COL25A1: variants seen among roughly 807,000 people sequenced by gnomAD.
COL25A1 encodes collagen alpha-1(XXV) chain.
COL25A1 carries 103 observed loss-of-function variants against 128.4 expected under a neutral mutation model. The ratio of observed to expected loss-of-function variants is 0.80; its 90% CI spans 0.68 to 0.94. COL25A1 has a LOEUF of 0.94. COL25A1 is among the 40% of genes least tolerant of loss of function. The probability of loss-of-function intolerance (pLI) is 0.00; values close to 1 mark genes in which losing one functional copy is unlikely to be tolerated. For synonymous variants in COL25A1, 279 were observed against 277.2 expected (o/e 1.01, Z -0.06); for missense variants, 745 against 840.0 (o/e 0.89, Z 1.40).
At chr4:108,922,997 T>C (rs894343647) in intron 11 of COL25A1, among the ~76,000 whole-genome samples, 6 of 152,124 alleles carry the variant, frequency 3.9e-5, no homozygotes, top group Middle Eastern at 3.2e-3. Context: ...GAATAAAATA[T>C]AGGACACTTA....
intron 35 of COL25A1, chr4:108,819,881 T>G: frequency 8.1e-7 from 1 of 1,230,346 alleles, no homozygotes; most frequent in Non-Finnish European, 1.0e-6. Flanking sequence ...CCTTTTTGCC[T>G]TTCTTTCCCT....
At chr4:109,207,235 C>T (rs1578438376) in intron 3 of COL25A1, among the ~76,000 whole-genome samples, 1 of 152,104 alleles carries the variant, frequency 6.6e-6, no homozygotes, top group African/African-American at 2.4e-5. Context: ...AAGGAGTGTG[C>T]CAGCTGCCTC....
At chr4:109,018,369 C>A (rs950804111) in intron 5 of COL25A1, among the ~76,000 whole-genome samples, 17 of 152,166 alleles carry the variant, frequency 1.1e-4, no homozygotes, top group African/African-American at 4.1e-4. Context: ...GGATTACAGG[C>A]ACGCTCCACC....
chr4:108,835,861 C>CTTTTTTTTTTTTTTTTTTTTTT (rs1158184110), intron 31 of COL25A1, among the ~76,000 whole-genome samples: 58 of 45,720 alleles, frequency 1.3e-3, no homozygotes, highest in Admixed American at 3.2e-3. Context: ...TTACATACGT[C>CTTTTTTTTTTTTTTTTTTTTTT]TTTTTTTTTT....
At chr4:109,020,752 T>C (rs1018933155) in intron 5 of COL25A1, among the ~76,000 whole-genome samples, 9 of 152,358 alleles carry the variant, frequency 5.9e-5, no homozygotes, top group Non-Finnish European at 1.2e-4. Flanking sequence ...CATGCATTTT[T>C]GCTATAAAAA....
intron 8 of COL25A1, among the ~76,000 whole-genome samples, chr4:108,942,647 A>C (rs886418897): frequency 3.4e-5 from 5 of 147,252 alleles, no homozygotes; most frequent in Non-Finnish European, 7.4e-5. Context: ...TTTCAGTTTC[A>C]CCATGTTGGC....
chr4:108,902,771 A>G lies in COL25A1; in HGVS notation c.781-1599T>C, dbSNP rs950829864. Among the ~76,000 whole-genome samples the G allele has an allele frequency of 3.3e-5, 5 of 152,006 alleles. No individual in the cohort carries two copies. In the East Asian group the frequency reaches 5.8e-4, roughly 18 times the overall value. ...TAACTCTTGCACTTTCCTTGGTAAA[A>G]TGGGAAAAAATGTTGACTTAGAATA... On this transcript the variant is annotated intron_variant, in intron 13 of 37. Transcript: ENST00000399132.
At chr4:108,998,715 T>A (rs1196349189) in intron 6 of COL25A1, among the ~76,000 whole-genome samples, 1 of 152,130 alleles carries the variant, frequency 6.6e-6, no homozygotes, top group Non-Finnish European at 1.5e-5. Flanking sequence ...CTTCAAACTA[T>A]ACTACAAGGC....
intron 3 of COL25A1, among the ~76,000 whole-genome samples, chr4:109,199,282 C>T (rs559860930): frequency 6.6e-6 from 1 of 152,260 alleles, no homozygotes; most frequent in East Asian, 1.9e-4. Context: ...ACGATGTGTA[C>T]TTCTGGTACA....
chr4:109,091,072 A>G (rs931646437), intron 3 of COL25A1, among the ~76,000 whole-genome samples: 6 of 152,210 alleles, frequency 3.9e-5, no homozygotes, highest in African/African-American at 7.2e-5. Flanking sequence ...AAAGAATCAT[A>G]TAAGTGGCTG....
intron 3 of COL25A1, among the ~76,000 whole-genome samples, chr4:109,229,728 T>C (rs1415193884): frequency 4.6e-5 from 7 of 151,952 alleles, no homozygotes; most frequent in Non-Finnish European, 1.0e-4. Flanking sequence ...TGTTAGAGTG[T>C]TGGGCAACTC....
intron 3 of COL25A1, among the ~76,000 whole-genome samples, chr4:109,113,585 T>A (rs1281936848): frequency 6.6e-6 from 1 of 151,980 alleles, no homozygotes; most frequent in Non-Finnish European, 1.5e-5. Context: ...ACATTTAACA[T>A]CAAACATATT....
intron 8 of COL25A1, among the ~76,000 whole-genome samples, chr4:108,950,082 C>T (rs6827399): frequency 0.043 from 6,615 of 152,176 alleles, 371 homozygotes; most frequent in African/African-American, 0.13. Context: ...ACGCTCTTTT[C>T]CTCTTGTATT....
intron 8 of COL25A1, among the ~76,000 whole-genome samples, chr4:108,947,935 G>T (rs1372511528): frequency 6.6e-6 from 1 of 152,132 alleles, no homozygotes; most frequent in African/African-American, 2.4e-5. Flanking sequence ...ATTATGCTGA[G>T]AAATGAAATC....
chr4:109,003,469 T>C (rs1755653113), intron 6 of COL25A1, among the ~76,000 whole-genome samples: 1 of 152,232 alleles, frequency 6.6e-6, no homozygotes, highest in South Asian at 2.1e-4. Context: ...TTCAATAAAT[T>C]TAGCCTTACC....
In COL25A1 at chr4:109,089,552, C is replaced by A. The variant is rs982328828; in HGVS notation, c.368-39373G>T. 3.9e-4 allele frequency among the ~76,000 whole-genome samples: 59 copies of A among 152,170 alleles called. 1 individual carries two copies. The highest frequency in any genetic ancestry group is 1.0e-4 in the Non-Finnish European group (7 of 68,030). ...ATGATTACAAATTATGAGATCAGAT[C>A]TACTTGAGGCATATAGGACAGTTAC... On this transcript the variant is annotated intron_variant, in intron 3 of 37. Coordinates refer to ENST00000399132, the MANE Select transcript of COL25A1 (RefSeq NM_198721.4).
intron 3 of COL25A1, among the ~76,000 whole-genome samples, chr4:109,080,973 G>A (rs1763784142): frequency 6.6e-6 from 1 of 152,120 alleles, no homozygotes; most frequent in South Asian, 2.1e-4. Flanking sequence ...AAGAGTAGTA[G>A]TATCCACATT....
chr4:108,980,755 A>AT (rs1752895432), intron 6 of COL25A1, among the ~76,000 whole-genome samples: 1 of 152,210 alleles, frequency 6.6e-6, no homozygotes, highest in South Asian at 2.1e-4. Context: ...GAATTACTCT[A>AT]TTTTAAACTC....
intron 3 of COL25A1, among the ~76,000 whole-genome samples, chr4:109,114,314 C>T (rs572481991): frequency 6.6e-6 from 1 of 151,692 alleles, no homozygotes; most frequent in South Asian, 2.1e-4. Flanking sequence ...CTGAGATCAA[C>T]AGGATTACAA....
Sources: gnomAD v4.1 joint callset for allele counts (sites outside exome capture counted in the v4.1 genomes callset) on GRCh38, gnomAD v4.1.1 for gene constraint, MANE v1.5 for transcripts, NCBI Gene and HGNC (gene_info 2026-07-23, HGNC 2026-07-21) for gene names.